Variants in CREBL2 observed in about 807,000 individuals in gnomAD.
The protein encoded by CREBL2 is cAMP responsive element binding protein like 2, also known as cAMP-responsive element-binding protein-like 2.
A neutral mutation model predicts 19.5 loss-of-function variants in CREBL2; 4 were observed. The observed-to-expected ratio is 0.20, with a 90% CI of 0.10 to 0.47. The LOEUF (loss-of-function observed/expected upper bound fraction) is 0.47, where lower values mean the gene tolerates loss of function less well. Among genes scored for constraint, CREBL2 ranks in the 20% least tolerant of loss-of-function variants. The pLI is 0.98. For synonymous variants in CREBL2, 42 were observed against 46.6 expected (o/e 0.90, Z 0.40); for missense variants, 85 against 145.1 (o/e 0.59, Z 2.13).
At chr12:12,637,758 C>T (rs202084018) in intron 3 of CREBL2, 44 bp downstream of exon 3, 54 of 1,559,068 alleles carry the variant, frequency 3.5e-5, no homozygotes, top group Non-Finnish European at 1.3e-5. Context: ...GAGAGTGTCT[C>T]GGTTGGGCGC....
In CREBL2 at chr12:12,644,677, C is replaced by T. The variant is rs1177476393; in HGVS notation, c.*2679C>T. ...TTTATCTAAAATCTTTCCATTATAT[C>T]TAAATTAGAATGATCATCCTGCGCA... On this transcript the variant is annotated 3_prime_UTR_variant, in exon 4 of 4. Transcript: ENST00000228865. 6.6e-6 allele frequency: 1 copy of T among 152,566 alleles called. No homozygotes were observed. The highest frequency in any genetic ancestry group is 6.6e-5 in the Admixed American group (1 of 15,254). 9.5% of individuals were successfully genotyped at this position (152,566 alleles called of 1,614,324 possible). A position where few individuals can be genotyped will look rare whatever the true frequency, so the allele number is the denominator to read the frequency against.
chr12:12,613,980 T>A (rs1253877694), intron 1 of CREBL2, among the ~76,000 whole-genome samples: 9 of 128,766 alleles, frequency 7.0e-5, no homozygotes, highest in Non-Finnish European at 1.2e-4. Context: ...CTTTCTTTTT[T>A]CTTTTTTTTC....
At chr12:12,615,153 T>C (rs948891286) in intron 1 of CREBL2, among the ~76,000 whole-genome samples, 6 of 152,164 alleles carry the variant, frequency 3.9e-5, no homozygotes, top group Non-Finnish European at 8.8e-5. Context: ...TAGCTGGGAT[T>C]ACAGGTGCAT....
chr12:12,612,235 C>G (rs753959697), intron 1 of CREBL2, 48 bp downstream of exon 1: 2 of 1,612,908 alleles, frequency 1.2e-6, no homozygotes, highest in African/African-American at 2.7e-5. Context: ...TCGCTCAATG[C>G]TAGTCCCGCG....
Position 12,612,072 on chromosome 12 carries a change from C to T in CREBL2, c.-101C>T. 2.8e-6 allele frequency: 4 copies of T among 1,445,248 alleles called. No homozygotes were observed. The highest frequency in any genetic ancestry group is 3.8e-6 in the Non-Finnish European group (4 of 1,039,910). The allele number at this position is 1,445,248 out of a possible 1,614,324, so 89.5% of individuals were successfully genotyped here. ...AGGCGAGAGGAGGAGGCAGCCAGAA[C>T]CATATCCCCTTCTTCCTCGGGGCGG... On this transcript the variant is annotated 5_prime_UTR_variant, in exon 1 of 4. Coordinates refer to ENST00000228865, the MANE Select transcript of CREBL2 (RefSeq NM_001310.4).
intron 1 of CREBL2, among the ~76,000 whole-genome samples, chr12:12,620,007 C>CA (rs1254052523): frequency 2.0e-5 from 3 of 152,028 alleles, no homozygotes; most frequent in East Asian, 3.8e-4. Flanking sequence ...TTTAATTTGG[C>CA]AAAAAAATCT....
At chr12:12,619,694 C>A (rs1473518361) in intron 1 of CREBL2, among the ~76,000 whole-genome samples, 1 of 152,204 alleles carries the variant, frequency 6.6e-6, no homozygotes, top group African/African-American at 2.4e-5. Flanking sequence ...AGGCTTTGAT[C>A]ATAGATAGAA....
At chr12:12,621,179 G>A (rs912307700) in intron 1 of CREBL2, among the ~76,000 whole-genome samples, 1 of 152,152 alleles carries the variant, frequency 6.6e-6, no homozygotes, top group South Asian at 2.1e-4. Context: ...GCAACCATAA[G>A]CAGAATATAA....
rs1175133207 is a variant in CREBL2 at position 12,612,146 on chromosome 12, C to A, written c.-27C>A. On this transcript the variant is annotated 5_prime_UTR_variant, in exon 1 of 4. Transcript: ENST00000228865. ...CGGGGGAGGGCTCCGGGAGGGAGTG[C>A]CTGGCCAGGCCGGCCTGTCTGCCGC... 1 of 1,610,884 alleles carries A rather than the reference C, an allele frequency of 6.2e-7. No homozygotes were observed. The highest frequency in any genetic ancestry group is 8.5e-7 in the Non-Finnish European group (1 of 1,179,912).
chr12:12,620,380 C>T (rs1276990782), intron 1 of CREBL2, among the ~76,000 whole-genome samples: 1 of 152,068 alleles, frequency 6.6e-6, no homozygotes, highest in East Asian at 1.9e-4. Flanking sequence ...ATCACAGGCA[C>T]CTGCCACCAT....
At chr12:12,615,852 C>G (rs879907785) in intron 1 of CREBL2, 2 of 152,418 alleles carry the variant, frequency 1.3e-5, no homozygotes, top group Admixed American at 6.5e-5. Context: ...TCCATGTGTT[C>G]TAAAAGGCCT....
intron 1 of CREBL2, among the ~76,000 whole-genome samples, chr12:12,627,845 TGAG>T (rs1289530013): frequency 6.6e-6 from 1 of 152,234 alleles, no homozygotes; most frequent in Non-Finnish European, 1.5e-5. Flanking sequence ...CAGCAATGTA[TGAG>T]GATTTCACTT....
In CREBL2 at chr12:12,642,163, A is replaced by G. The variant is rs1419218033; in HGVS notation, c.*165A>G. ...AATGTGTGATCGTAGATCTCAAAGG[A>G]TCTTGCTTTAACTTTCAACACTTAG... On this transcript the variant is annotated 3_prime_UTR_variant, in exon 4 of 4. Coordinates refer to ENST00000228865, the MANE Select transcript of CREBL2 (RefSeq NM_001310.4). 4.5e-6 allele frequency: 2 copies of G among 446,434 alleles called. No homozygotes were observed. Among genetic ancestry groups the G allele is most frequent in the South Asian group, 5.8e-5 (1 of 17,300 alleles). 27.7% of individuals were successfully genotyped at this position (446,434 alleles called of 1,614,324 possible).
chr12:12,640,187 G>C (rs1945506977), intron 3 of CREBL2, among the ~76,000 whole-genome samples: 2 of 152,126 alleles, frequency 1.3e-5, no homozygotes, highest in Non-Finnish European at 1.5e-5. Context: ...GTAAGCCTGA[G>C]GGTTCTGCAG....
intron 2 of CREBL2, among the ~76,000 whole-genome samples, chr12:12,636,784 T>C (rs201395778): frequency 6.6e-6 from 1 of 152,200 alleles, no homozygotes; most frequent in African/African-American, 2.4e-5. Flanking sequence ...GCAGTGGCTG[T>C]AAAAATGTGA....
chr12:12,619,737 T>C (rs1024075672), intron 1 of CREBL2, among the ~76,000 whole-genome samples: 1 of 152,252 alleles, frequency 6.6e-6, no homozygotes, highest in Non-Finnish European at 1.5e-5. Context: ...TTGGACTTTA[T>C]TGAATGAACA....
chr12:12,638,895 T>C (rs1386103314), intron 3 of CREBL2, among the ~76,000 whole-genome samples: 3 of 152,202 alleles, frequency 2.0e-5, no homozygotes, highest in Non-Finnish European at 4.4e-5. Context: ...GTGCAACCAT[T>C]ATGTCTACCT....
At chr12:12,638,889 A>C (rs1158153919) in intron 3 of CREBL2, among the ~76,000 whole-genome samples, 1 of 152,226 alleles carries the variant, frequency 6.6e-6, no homozygotes, top group Admixed American at 6.5e-5. Flanking sequence ...AATGTTGTGC[A>C]ACCATTATGT....
chr12:12,630,718 T>G (rs774704205), intron 1 of CREBL2, among the ~76,000 whole-genome samples: 74 of 152,164 alleles, frequency 4.9e-4, no homozygotes, highest in Non-Finnish European at 8.5e-4. Context: ...CTTTCTTCTT[T>G]AAAACAAACA....
Sources: allele counts gnomAD v4.1 joint callset (sites outside exome capture counted in the v4.1 genomes callset), GRCh38; gene constraint gnomAD v4.1.1; transcripts MANE v1.5; gene names NCBI Gene and HGNC (gene_info 2026-07-23, HGNC 2026-07-21).